TTC7A: variants seen among roughly 807,000 people sequenced by gnomAD.
TTC7A encodes the protein tetratricopeptide repeat protein 7A.
In TTC7A, 110 loss-of-function variants were observed where a neutral mutation model predicts 103.7. The ratio of observed to expected loss-of-function variants is 1.06; its 90% CI spans 0.91 to 1.24. The LOEUF (loss-of-function observed/expected upper bound fraction) is 1.24. TTC7A is among the 50% of genes most tolerant of loss of function. The pLI is 0.00. For synonymous variants in TTC7A, 521 were observed against 467.9 expected (o/e 1.11, Z -1.47); for missense variants, 1,340 against 1,116.3 (o/e 1.20, Z -2.86).
At chr2:46,923,735 A>T (rs538845506) in intron 2 of TTC7A, among the ~76,000 whole-genome samples, 2 of 150,794 alleles carry the variant, frequency 1.3e-5, no homozygotes, top group East Asian at 2.0e-4. Flanking sequence ...CTATAGAAAA[A>T]CTTTTTTTTT....
chr2:46,995,259 T>C, intron 8 of TTC7A, 60 bp downstream of exon 8: 3 of 1,578,924 alleles, frequency 1.9e-6, no homozygotes, highest in Non-Finnish European at 2.6e-6. Flanking sequence ...GGAAGGGCTG[T>C]GGGGCCCAGG....
chr2:46,918,390 A>C (rs1301182046), intron 2 of TTC7A, among the ~76,000 whole-genome samples: 2 of 152,220 alleles, frequency 1.3e-5, no homozygotes, highest in Non-Finnish European at 2.9e-5. Flanking sequence ...GTAGTAGATG[A>C]TGCTGCTGGA....
intron 1 of TTC7A, among the ~76,000 whole-genome samples, chr2:46,950,034 A>ACAG (rs2103963622): frequency 6.6e-6 from 1 of 152,330 alleles, no homozygotes; most frequent in South Asian, 2.1e-4. Context: ...CTTATTATCC[A>ACAG]CAGCACAGCA....
intron 5 of TTC7A, among the ~76,000 whole-genome samples, chr2:46,991,032 C>T (rs1292752714): frequency 6.6e-6 from 1 of 152,204 alleles, no homozygotes; most frequent in Non-Finnish European, 1.5e-5. Flanking sequence ...CCTGCCTCAG[C>T]TTCCCGAATA....
rs55730127 is a variant in TTC7A at position 47,043,005 on chromosome 2, C to G, written c.1803-3310C>G. On this transcript the variant is annotated intron_variant, in intron 15 of 19. Coordinates refer to ENST00000319190, the MANE Select transcript of TTC7A (RefSeq NM_020458.4). Reference sequence around the variant, plus strand: ...TCTGGTGAGGCTGTGGCCACAGCTTCGATTCCCCCTGGCTGTGAGGGCCCC... The same window carrying G: ...TCTGGTGAGGCTGTGGCCACAGCTTGGATTCCCCCTGGCTGTGAGGGCCCC... Among the ~76,000 whole-genome samples, 756 of 152,286 alleles carry G rather than the reference C, an allele frequency of 5.0e-3. 3 individuals are homozygous for G. Among genetic ancestry groups the G allele is most frequent in the Non-Finnish European group, 7.7e-3 (523 of 68,018 alleles).
At chr2:47,046,465 A>C in intron 16 of TTC7A, 34 bp downstream of exon 16, 9 of 1,577,328 alleles carry the variant, frequency 5.7e-6, no homozygotes, top group Non-Finnish European at 7.8e-6. Flanking sequence ...GGGTTGCCAG[A>C]GGGTGGTTGC....
At chr2:46,972,036 CT>C (rs904829922) in intron 3 of TTC7A, among the ~76,000 whole-genome samples, 7 of 151,904 alleles carry the variant, frequency 4.6e-5, no homozygotes, top group African/African-American at 1.7e-4. Flanking sequence ...TTTAATGGCA[CT>C]CATACACTGG....
Position 47,023,390 on chromosome 2 carries a change from C to G in TTC7A, c.1511-18C>G, listed in dbSNP as rs750750451. The G allele has an allele frequency of 2.8e-5, 45 of 1,613,652 alleles. No individual in the cohort carries two copies. The highest frequency in any genetic ancestry group is 3.5e-5 in the Non-Finnish European group (41 of 1,179,910). On this transcript the variant is annotated intron_variant, in intron 12 of 19. Coordinates refer to ENST00000319190, the MANE Select transcript of TTC7A (RefSeq NM_020458.4). ...TCAGTGACCCCTGATGGCTCAGTTTCTGTCCTGTCCCCTGCAGCCACCCTG... is the reference window on the plus strand; with the variant it reads ...TCAGTGACCCCTGATGGCTCAGTTTGTGTCCTGTCCCCTGCAGCCACCCTG...
chr2:46,954,586 T>TTC (rs1408861530), intron 2 of TTC7A, among the ~76,000 whole-genome samples: 1 of 147,134 alleles, frequency 6.8e-6, no homozygotes, highest in African/African-American at 2.5e-5. Context: ...TTTTTTTTTT[T>TTC]GAGACAACGG....
rs896820280 is a variant in TTC7A, at chr2:47,007,540, C to A, written c.1287+816C>A. 6.6e-6 allele frequency among the ~76,000 whole-genome samples: 1 copy of A among 152,188 alleles called. No homozygotes were observed. Among genetic ancestry groups the A allele is most frequent in the Non-Finnish European group, 1.5e-5 (1 of 68,028 alleles). On this transcript the variant is annotated intron_variant, in intron 10 of 19. Coordinates refer to ENST00000319190, the MANE Select transcript of TTC7A (RefSeq NM_020458.4). This position sits in a 1 kb window ranked among gnomAD's most constrained non-coding sequence, Gnocchi z 4.9. Reference sequence around the variant, plus strand: ...TGGGGCTGAGGGAATTCCTCGCCCCCCTGGCCCATCTGTGCCACGTTCCAT... The same window carrying A: ...TGGGGCTGAGGGAATTCCTCGCCCCACTGGCCCATCTGTGCCACGTTCCAT...
At chr2:47,046,967 C>T (rs1157334592) in intron 16 of TTC7A, 3 of 327,348 alleles carry the variant, frequency 9.2e-6, no homozygotes, top group Non-Finnish European at 1.7e-5. Flanking sequence ...CCCCTTCTTC[C>T]CTAGTCACCC....
At chr2:46,972,167 C>G (rs946439427) in intron 3 of TTC7A, among the ~76,000 whole-genome samples, 2 of 151,232 alleles carry the variant, frequency 1.3e-5, no homozygotes, top group Non-Finnish European at 2.9e-5. Flanking sequence ...TTTTTCGTGA[C>G]TAAGAGTTTA....
At chr2:47,045,149 G>T (rs2104695001) in intron 15 of TTC7A, among the ~76,000 whole-genome samples, 1 of 152,364 alleles carries the variant, frequency 6.6e-6, no homozygotes, top group Middle Eastern at 3.4e-3. Context: ...TGAGAACCGG[G>T]AGGTGCTGCC....
chr2:46,935,215 G>A (rs189937992), intron 2 of TTC7A, among the ~76,000 whole-genome samples: 149 of 152,178 alleles, frequency 9.8e-4, no homozygotes, highest in African/African-American at 3.0e-3. Flanking sequence ...GGGGTCAGGC[G>A]TGTGTGGAGG....
chr2:47,000,598 G>A (rs1203321095), intron 8 of TTC7A, among the ~76,000 whole-genome samples: 4 of 152,202 alleles, frequency 2.6e-5, no homozygotes, highest in Admixed American at 6.5e-5. Context: ...CTGGCAGCTC[G>A]AGAGCCAGTG....
At chr2:46,981,089 C>T (rs890287506) in intron 5 of TTC7A, among the ~76,000 whole-genome samples, 6 of 152,170 alleles carry the variant, frequency 3.9e-5, no homozygotes, top group Non-Finnish European at 5.9e-5. Context: ...ATATCATTGG[C>T]CACTGGTGAT....
chr2:46,997,876 C>T (rs527717982), intron 8 of TTC7A, among the ~76,000 whole-genome samples: 1 of 152,086 alleles, frequency 6.6e-6, no homozygotes, highest in East Asian at 1.9e-4. Context: ...AGTTCAGATG[C>T]CTTTCAGTTA....
At chr2:46,945,782 C>A (rs528629137) in intron 1 of TTC7A, among the ~76,000 whole-genome samples, 4 of 152,132 alleles carry the variant, frequency 2.6e-5, no homozygotes, top group Non-Finnish European at 4.4e-5. Flanking sequence ...AACATTTCTT[C>A]CGTTTCAGTT....
intron 1 of TTC7A, among the ~76,000 whole-genome samples, chr2:46,949,791 T>A (rs966415432): frequency 7.9e-5 from 12 of 152,138 alleles, no homozygotes; most frequent in Non-Finnish European, 1.8e-4. Context: ...TTTGGGAGGC[T>A]GAGTCAGGAG....
Sources: allele counts gnomAD v4.1 joint callset (sites outside exome capture counted in the v4.1 genomes callset), GRCh38; gene constraint gnomAD v4.1.1; non-coding constraint Gnocchi (gnomAD v3.1); transcripts MANE v1.5; gene names NCBI Gene and HGNC (gene_info 2026-07-23, HGNC 2026-07-21).